FBRSL1: variants seen among roughly 807,000 people sequenced by gnomAD.
FBRSL1 encodes fibrosin like 1.
A neutral mutation model predicts 89.6 loss-of-function variants in FBRSL1; 51 were observed. The ratio of observed to expected loss-of-function variants is 0.57; its 90% CI spans 0.45 to 0.72. The LOEUF is 0.72. Among genes scored for constraint, FBRSL1 ranks in the 30% least tolerant of loss-of-function variants. FBRSL1 has a pLI of 0.00. For synonymous variants in FBRSL1, 779 were observed against 681.1 expected (o/e 1.14, Z -2.24); for missense variants, 1,618 against 1,451.8 (o/e 1.11, Z -1.86).
chr12:132,551,110 G>A (rs2038122634), intron 5 of FBRSL1: 3 of 334,024 alleles, frequency 9.0e-6, no homozygotes, highest in Non-Finnish European at 1.8e-5. Flanking sequence ...AGGCAGGAGG[G>A]ACAGAGCCCT....
chr12:132,525,720 T>C lies in FBRSL1; in HGVS notation c.490-14T>C. ...GTGGGGGTTTGCCTGAGACAGTGTCTCTCTCTGTCCCAGATGAAGGTCACC... is the reference window on the plus strand; with the variant it reads ...GTGGGGGTTTGCCTGAGACAGTGTCCCTCTCTGTCCCAGATGAAGGTCACC... On this transcript the variant is annotated splice_polypyrimidine_tract_variant and intron_variant, in intron 2 of 18. Coordinates refer to ENST00000680143, the MANE Select transcript of FBRSL1 (RefSeq NM_001367871.1). 6.5e-7 allele frequency: 1 copy of C among 1,539,478 alleles called. No homozygotes were observed. The highest frequency in any genetic ancestry group is 8.8e-7 in the Non-Finnish European group (1 of 1,137,134).
At chr12:132,576,225 C>T (rs1318854513) in intron 14 of FBRSL1, among the ~76,000 whole-genome samples, 2 of 145,492 alleles carry the variant, frequency 1.4e-5, no homozygotes, top group African/African-American at 5.4e-5. Flanking sequence ...TAGAGTCTCG[C>T]TCTGTCACCC....
Position 132,573,298 on chromosome 12 carries a change from GC to G in FBRSL1, c.1530+679del, listed in dbSNP as rs2040166211. On this transcript the variant is annotated intron_variant, in intron 11 of 18. Coordinates refer to ENST00000680143, the MANE Select transcript of FBRSL1 (RefSeq NM_001367871.1). ...CAGGATCCTGCAGCGCCCACTCATTGCCCACAGCTGCCCTGAAGGGCCCAGC... is the reference window on the plus strand; with the variant it reads ...CAGGATCCTGCAGCGCCCACTCATTGCCACAGCTGCCCTGAAGGGCCCAGC... Among the ~76,000 whole-genome samples, 3 of 152,194 alleles carry G rather than the reference GC, an allele frequency of 2.0e-5. No homozygotes were observed. The South Asian group carries it at 6.2e-4, about 31-fold the overall frequency.
At chr12:132,579,004 T>G (rs1002930480) in intron 15 of FBRSL1, among the ~76,000 whole-genome samples, 1 of 152,196 alleles carries the variant, frequency 6.6e-6, no homozygotes, top group Non-Finnish European at 1.5e-5. Flanking sequence ...GGCGCCCAGT[T>G]CTGGGCCCTC....
chr12:132,579,606 T>C (rs2040611778), intron 15 of FBRSL1, among the ~76,000 whole-genome samples: 1 of 152,208 alleles, frequency 6.6e-6, no homozygotes, highest in South Asian at 2.1e-4. Context: ...AGTGGGTGGT[T>C]TGCCCCCTTG....
intron 1 of FBRSL1, among the ~76,000 whole-genome samples, chr12:132,491,426 C>T (rs1346625180): frequency 1.3e-5 from 2 of 152,222 alleles, no homozygotes; most frequent in African/African-American, 4.8e-5. Flanking sequence ...AAATACTGCT[C>T]CTCTTACATG....
intron 5 of FBRSL1, chr12:132,552,067 C>T (rs538034947): frequency 4.0e-5 from 8 of 201,052 alleles, no homozygotes; most frequent in African/African-American, 9.1e-5. Context: ...GGCGTGGGGC[C>T]GACCCCGCAG....
At chr12:132,573,361 C>T (rs571486042) in intron 11 of FBRSL1, among the ~76,000 whole-genome samples, 2 of 152,312 alleles carry the variant, frequency 1.3e-5, no homozygotes, top group Admixed American at 1.3e-4. Context: ...CCGCCCACAT[C>T]GTGGACGGGC....
chr12:132,491,409 G>T (rs1368091961), intron 1 of FBRSL1, among the ~76,000 whole-genome samples: 3 of 152,246 alleles, frequency 2.0e-5, no homozygotes, highest in Non-Finnish European at 4.4e-5. Context: ...GACAGTATTT[G>T]CTGAGCAAAT....
At chr12:132,490,971 A>G in intron 1 of FBRSL1, 110 bp downstream of exon 1, 1 of 872,388 alleles carries the variant, frequency 1.1e-6, no homozygotes, top group Non-Finnish European at 1.4e-6. Flanking sequence ...CGCCGTGGGC[A>G]GCCCTGAGGG....
chr12:132,510,250 C>G, intron 2 of FBRSL1: 1 of 1,231,876 alleles, frequency 8.1e-7, no homozygotes, highest in South Asian at 4.1e-5. Flanking sequence ...CTGGGGCAGC[C>G]GGGCCCACCC....
intron 2 of FBRSL1, 34 bp from the exon 3 acceptor site, chr12:132,525,700 G>T: frequency 6.6e-7 from 1 of 1,513,790 alleles, no homozygotes. Context: ...GTGAGGTGGG[G>T]GTTTGCCTGA....
intron 11 of FBRSL1, among the ~76,000 whole-genome samples, 165 bp downstream of exon 11, chr12:132,572,787 G>T (rs987017964): frequency 2.6e-5 from 4 of 152,328 alleles, no homozygotes; most frequent in Admixed American, 2.0e-4. Context: ...CAGGATGGGG[G>T]GCCCTGCGGT....
chr12:132,583,255 G>C lies in FBRSL1; in HGVS notation c.2486G>C (p.Gly829Ala). 7.4e-7 allele frequency: 1 copy of C among 1,347,196 alleles called. No homozygotes were observed. Among genetic ancestry groups the C allele is most frequent in the Non-Finnish European group, 9.5e-7 (1 of 1,049,596 alleles). 83.5% of individuals were successfully genotyped at this position (1,347,196 alleles called of 1,614,324 possible). A position where few individuals can be genotyped will look rare whatever the true frequency, so the allele number is the denominator to read the frequency against. The change falls in exon 19 of 19, where the codon GGC becomes GCC. Residue 829 changes from glycine to alanine, a missense_variant. Physicochemically the swap from Gly to Ala is moderately conservative, Grantham distance 60 (BLOSUM62 0). Coordinates refer to ENST00000680143, the MANE Select transcript of FBRSL1 (RefSeq NM_001367871.1). ...GEDEASEPPAGGLHPAPLQLG... is the reference protein window; with the variant it reads ...GEDEASEPPAAGLHPAPLQLG... ...GACGAGGCCTCCGAGCCCCCGGCGG[G>C]CGGCCTGCACCCCGCGCCCCTGCAG... is the stretch of plus-strand genomic sequence containing the variant.
chr12:132,494,755 C>G (rs140120809), intron 1 of FBRSL1, among the ~76,000 whole-genome samples: 2,237 of 152,328 alleles, frequency 0.015, 33 homozygotes, highest in Non-Finnish European at 0.022. Flanking sequence ...TGAGCTGTTC[C>G]CTGACTGGCA....
intron 1 of FBRSL1, among the ~76,000 whole-genome samples, chr12:132,506,517 G>A (rs1057348718): frequency 2.6e-5 from 4 of 152,248 alleles, no homozygotes; most frequent in South Asian, 2.1e-4. Context: ...GGTGCCCTGC[G>A]TGGCAGGCTG....
chr12:132,579,575 G>A (rs980234409), intron 15 of FBRSL1, among the ~76,000 whole-genome samples: 2 of 152,198 alleles, frequency 1.3e-5, no homozygotes, highest in African/African-American at 4.8e-5. Flanking sequence ...TACCTTTTCT[G>A]TGTAGAAAGT....
chr12:132,580,590 G>A (rs1411958315), intron 15 of FBRSL1, among the ~76,000 whole-genome samples: 2 of 152,120 alleles, frequency 1.3e-5, no homozygotes, highest in Non-Finnish European at 2.9e-5. Flanking sequence ...CTGTGTTTTC[G>A]TAGCATGGGG....
At chr12:132,563,783 GAC>G (rs1566209706) in intron 5 of FBRSL1, among the ~76,000 whole-genome samples, 2 of 41,140 alleles carry the variant, frequency 4.9e-5, no homozygotes, top group East Asian at 2.1e-3. Context: ...ACATACCTAC[GAC>G]TGTACACTCA....
Sources: allele counts gnomAD v4.1 joint callset (sites outside exome capture counted in the v4.1 genomes callset), GRCh38; gene constraint gnomAD v4.1.1; transcripts MANE v1.5; gene names NCBI Gene and HGNC (gene_info 2026-07-23, HGNC 2026-07-21).